The following EYS variants were observed in gnomAD, a reference collection of about 807,000 sequenced individuals.
EYS encodes the protein EGF-like photoreceptor maintenance factor, also known as protein eyes shut homolog.
In EYS, 250 loss-of-function variants were observed where a neutral mutation model predicts 282.1. The observed-to-expected ratio is 0.89, with a 90% CI of 0.80 to 0.98. The LOEUF (loss-of-function observed/expected upper bound fraction) is 0.98, where lower values mean the gene tolerates loss of function less well. Among genes scored for constraint, EYS ranks in the 50% least tolerant of loss-of-function variants. The pLI, the probability that EYS is intolerant of heterozygous loss-of-function variation, is 0.00. For synonymous variants in EYS, 1,355 were observed against 1,282.9 expected, an observed-to-expected ratio of 1.06 and a Z score of -1.20; for missense variants, 4,016 against 3,709.0, an observed-to-expected ratio of 1.08 and a Z score of -2.15.
intron 29 of EYS, among the ~76,000 whole-genome samples, chr6:64,330,232 T>C (rs1322760416): frequency 5.3e-5 from 8 of 152,208 alleles, no homozygotes; most frequent in Admixed American, 1.3e-4. Flanking sequence ...CAAGGTATCT[T>C]GGCTTTAACA....
intron 33 of EYS, among the ~76,000 whole-genome samples, chr6:64,007,628 C>T (rs2149809007): frequency 6.6e-6 from 1 of 152,224 alleles, no homozygotes; most frequent in African/African-American, 2.4e-5. Context: ...GCATTTAGCA[C>T]TATAACTTTC....
intron 2 of EYS, among the ~76,000 whole-genome samples, chr6:65,625,531 CA>C: frequency 6.6e-6 from 1 of 152,184 alleles, no homozygotes; most frequent in African/African-American, 2.4e-5. Flanking sequence ...CCTCAGTTAA[CA>C]AAAGGAAAGT....
chr6:65,086,329 A>T (rs928801139), intron 12 of EYS, among the ~76,000 whole-genome samples: 3 of 140,814 alleles, frequency 2.1e-5, no homozygotes, highest in African/African-American at 3.0e-5. Context: ...AAAACTAAAT[A>T]AAAAAAAAAG....
chr6:65,689,928 G>T (rs1769180334), intron 1 of EYS, among the ~76,000 whole-genome samples: 1 of 149,674 alleles, frequency 6.7e-6, no homozygotes, highest in Non-Finnish European at 1.5e-5. Flanking sequence ...GTCCAGGGGG[G>T]TCACCGCATT....
At chr6:63,862,069 C>G (rs60622008) in intron 36 of EYS, among the ~76,000 whole-genome samples, 17,648 of 152,086 alleles carry the variant, frequency 0.12, 1,255 homozygotes, top group African/African-American at 0.19. Flanking sequence ...CCTTTTCCTG[C>G]TTTTCATGGG....
At chr6:65,120,733 T>C (rs1198743907) in intron 12 of EYS, among the ~76,000 whole-genome samples, 1 of 152,170 alleles carries the variant, frequency 6.6e-6, no homozygotes, top group Non-Finnish European at 1.5e-5. Context: ...TCCCATTCTT[T>C]TGCTCAATTT....
intron 2 of EYS, among the ~76,000 whole-genome samples, chr6:65,554,866 C>T (rs1768737381): frequency 6.6e-6 from 1 of 152,136 alleles, no homozygotes; most frequent in Admixed American, 6.5e-5. Context: ...TTAGAAGTAT[C>T]CCAGTTTTGT....
chr6:63,872,476 G>GGTTT (rs1554183552), intron 35 of EYS, among the ~76,000 whole-genome samples: 1 of 43,804 alleles, frequency 2.3e-5, no homozygotes, highest in South Asian at 1.2e-3. Flanking sequence ...ACCTAAATAT[G>GGTTT]GTTTTTTTTT....
At chr6:65,536,994 G>A (rs978024182) in intron 2 of EYS, among the ~76,000 whole-genome samples, 1 of 152,178 alleles carries the variant, frequency 6.6e-6, no homozygotes, top group Non-Finnish European at 1.5e-5. Context: ...GTGTATTGAT[G>A]TATGTAGCCA....
intron 2 of EYS, among the ~76,000 whole-genome samples, chr6:65,529,538 CT>C (rs1200230431): frequency 8.5e-5 from 13 of 152,276 alleles, no homozygotes; most frequent in African/African-American, 2.6e-4. Flanking sequence ...ATTACTCCCC[CT>C]GAAGCAATAA....
chr6:65,427,910 G>A lies in EYS; in HGVS notation c.863-22543C>T, dbSNP rs142893808. Among the ~76,000 whole-genome samples the A allele has an allele frequency of 1.2e-3, 181 of 151,878 alleles. 1 individual carries two copies. Among genetic ancestry groups the A allele is most frequent in the African/African-American group, 4.2e-3 (173 of 41,436 alleles). ...CACATATAGATGATATCAAGAACATGATATATAATTACAAAAGTATACATG... is the reference window on the plus strand; with the variant it reads ...CACATATAGATGATATCAAGAACATAATATATAATTACAAAAGTATACATG... On this transcript the variant is annotated intron_variant, in intron 5 of 42. Coordinates refer to ENST00000503581, the MANE Select transcript of EYS (RefSeq NM_001142800.2).
chr6:63,780,889 A>G (rs566873895), intron 39 of EYS, among the ~76,000 whole-genome samples: 1 of 152,322 alleles, frequency 6.6e-6, no homozygotes, highest in East Asian at 1.9e-4. Flanking sequence ...TAGGTCTAAC[A>G]TTTAAGTCTT....
chr6:64,191,413 T>A (rs1765100406), intron 31 of EYS, among the ~76,000 whole-genome samples: 1 of 152,114 alleles, frequency 6.6e-6, no homozygotes, highest in Non-Finnish European at 1.5e-5. Flanking sequence ...ACATGCGACA[T>A]GCTGGTGCGC....
intron 22 of EYS, among the ~76,000 whole-genome samples, chr6:64,783,217 T>C (rs1773913587): frequency 6.6e-6 from 1 of 152,104 alleles, no homozygotes; most frequent in Non-Finnish European, 1.5e-5. Context: ...ACTATGATTG[T>C]CCTATTTCAT....
At chr6:64,780,206 C>A (rs778500648) in intron 22 of EYS, among the ~76,000 whole-genome samples, 13 of 151,930 alleles carry the variant, frequency 8.6e-5, no homozygotes, top group Non-Finnish European at 1.9e-4. Flanking sequence ...TTAAAAATAA[C>A]CATGTCATTT....
chr6:65,387,464 A>G (rs1453143855), intron 7 of EYS, among the ~76,000 whole-genome samples: 1 of 151,910 alleles, frequency 6.6e-6, no homozygotes, highest in Non-Finnish European at 1.5e-5. Context: ...AAATATTAAG[A>G]AAAGCCCATA....
intron 8 of EYS, among the ~76,000 whole-genome samples, chr6:65,362,378 A>G (rs567879129): frequency 6.6e-6 from 1 of 152,070 alleles, no homozygotes; most frequent in Non-Finnish European, 1.5e-5. Context: ...CGTTACTCCA[A>G]GATGCTGCAA....
At chr6:65,610,065 G>T (rs982194431) in intron 2 of EYS, among the ~76,000 whole-genome samples, 1 of 151,872 alleles carries the variant, frequency 6.6e-6, no homozygotes, top group Non-Finnish European at 1.5e-5. Flanking sequence ...CGCCTGGCTA[G>T]TTTTTTCATT....
intron 22 of EYS, among the ~76,000 whole-genome samples, chr6:64,670,935 G>C (rs1461756645): frequency 6.6e-6 from 1 of 151,606 alleles, no homozygotes; most frequent in Non-Finnish European, 1.5e-5. Context: ...AGTAAAAGTG[G>C]AGTCCTAGAC....
Sources: allele counts gnomAD v4.1 joint callset (sites outside exome capture counted in the v4.1 genomes callset), GRCh38; gene constraint gnomAD v4.1.1; transcripts MANE v1.5; gene names NCBI Gene and HGNC (gene_info 2026-07-23, HGNC 2026-07-21).